ZNF516: variants seen among roughly 807,000 people sequenced by gnomAD.
ZNF516 encodes zinc finger protein 516.
Under a neutral mutation model 79.7 loss-of-function variants are expected in ZNF516, and 19 were observed. The observed-to-expected ratio is 0.24, with a 90% CI of 0.17 to 0.35. The LOEUF (loss-of-function observed/expected upper bound fraction) is 0.35, where lower values mean the gene tolerates loss of function less well. Ranked by LOEUF, ZNF516 falls within the 10% of genes least tolerant of loss-of-function variation. ZNF516 has a pLI of 1.00. For synonymous variants in ZNF516, 877 were observed against 739.5 expected (o/e 1.19, Z -3.02); for missense variants, 1,678 against 1,679.5 (o/e 1.00, Z 0.02).
At chr18:76,440,780 A>G (rs1343052201) in intron 3 of ZNF516, among the ~76,000 whole-genome samples, 1 of 143,836 alleles carries the variant, frequency 7.0e-6, no homozygotes, top group Non-Finnish European at 1.5e-5. Flanking sequence ...GCGCGCATGC[A>G]TCGTATGGTG....
chr18:76,439,258 T>C (rs573428073), intron 3 of ZNF516, among the ~76,000 whole-genome samples: 3 of 152,314 alleles, frequency 2.0e-5, no homozygotes, highest in East Asian at 1.9e-4. Flanking sequence ...ACTAGACCAT[T>C]AAAGGCAGCT....
intron 2 of ZNF516, among the ~76,000 whole-genome samples, chr18:76,460,081 C>T (rs924984478): frequency 1.1e-4 from 16 of 152,230 alleles, no homozygotes; most frequent in Non-Finnish European, 2.1e-4. Context: ...AGGACTCGTT[C>T]TGTTGGAATG....
chr18:76,432,574 G>A (rs1568285652), intron 3 of ZNF516, among the ~76,000 whole-genome samples: 1 of 152,238 alleles, frequency 6.6e-6, no homozygotes, highest in Non-Finnish European at 1.5e-5. Context: ...GAGCTCAGTG[G>A]AGAGCAGCCC....
intron 3 of ZNF516, among the ~76,000 whole-genome samples, chr18:76,425,990 C>G (rs1038019583): frequency 6.6e-6 from 1 of 152,230 alleles, no homozygotes; most frequent in South Asian, 2.1e-4. Context: ...CATAAGACTG[C>G]CTTCATGTTG....
At chr18:76,488,706 A>G (rs1914983162) in intron 1 of ZNF516, among the ~76,000 whole-genome samples, 1 of 152,252 alleles carries the variant, frequency 6.6e-6, no homozygotes, top group African/African-American at 2.4e-5. Context: ...ACCTAATCAA[A>G]TAAATTTAAC....
chr18:76,416,381 C>T (rs1485326060), intron 3 of ZNF516, among the ~76,000 whole-genome samples: 3 of 152,192 alleles, frequency 2.0e-5, no homozygotes, highest in African/African-American at 4.8e-5. Flanking sequence ...GCAGAGCCTA[C>T]GCTGAAATGT....
chr18:76,495,779 G>A, upstream of ZNF516: 2 of 1,127,502 alleles, frequency 1.8e-6, no homozygotes, highest in South Asian at 1.7e-5. Context: ...CCCCTTCGGG[G>A]GTCCCAGGTG....
chr18:76,370,421 T>C (rs1198823781), intron 6 of ZNF516, 107 bp downstream of exon 6: 1 of 1,076,012 alleles, frequency 9.3e-7, no homozygotes, highest in Non-Finnish European at 1.3e-6. Context: ...TTTACACATC[T>C]AGTGAAAAAA....
upstream of ZNF516, chr18:76,495,761 TG>T: frequency 1.7e-6 from 2 of 1,156,942 alleles, no homozygotes; most frequent in Admixed American, 4.3e-5. Context: ...TGGACTGAAA[TG>T]GGGACACCCC....
chr18:76,375,556 A>G (rs1050035236), intron 4 of ZNF516, among the ~76,000 whole-genome samples: 3 of 151,566 alleles, frequency 2.0e-5, no homozygotes, highest in African/African-American at 7.3e-5. Flanking sequence ...GGATGGACAC[A>G]CAAGGTCCCG....
chr18:76,422,870 T>C (rs2075525781), intron 3 of ZNF516, among the ~76,000 whole-genome samples: 1 of 152,118 alleles, frequency 6.6e-6, no homozygotes, highest in Non-Finnish European at 1.5e-5. Flanking sequence ...CTAAATTAAT[T>C]CTCCTCCATA....
At chr18:76,473,576 C>A (rs544296828) in intron 1 of ZNF516, among the ~76,000 whole-genome samples, 1 of 151,904 alleles carries the variant, frequency 6.6e-6, no homozygotes, top group Non-Finnish European at 1.5e-5. Context: ...CCAAGGTGGG[C>A]GGATCACGAG....
chr18:76,451,311 C>T lies in ZNF516; in HGVS notation c.-157-8100G>A, dbSNP rs1362799033. On this transcript the variant is annotated intron_variant, in intron 2 of 6. Coordinates refer to ENST00000443185, the MANE Select transcript of ZNF516 (RefSeq NM_014643.4). This position sits in a 1 kb window ranked among gnomAD's most constrained non-coding sequence, Gnocchi z 6.0. ...GTCCTCTCTGACCACCTTCCGGGGGCGGGGGGGGCACCGATGTCAGCCCGG... is the reference window on the plus strand; with the variant it reads ...GTCCTCTCTGACCACCTTCCGGGGGTGGGGGGGGCACCGATGTCAGCCCGG... Among the ~76,000 whole-genome samples, 8 of 151,398 alleles carry T rather than the reference C, an allele frequency of 5.3e-5. No individual in the cohort carries two copies. Among genetic ancestry groups the T allele is most frequent in the Admixed American group, 2.6e-4 (4 of 15,190 alleles).
chr18:76,417,330 A>G (rs1184598132), intron 3 of ZNF516, among the ~76,000 whole-genome samples: 2 of 152,212 alleles, frequency 1.3e-5, no homozygotes, highest in Non-Finnish European at 2.9e-5. Flanking sequence ...AACCCATGAA[A>G]GCGTGGAAAC....
intron 2 of ZNF516, among the ~76,000 whole-genome samples, chr18:76,444,045 G>A (rs10469086): frequency 0.012 from 1,755 of 152,354 alleles, 42 homozygotes; most frequent in African/African-American, 0.04. Context: ...CACCAAGGAC[G>A]AGGGACGCAT....
At chr18:76,397,255 A>G (rs905524436) in intron 3 of ZNF516, among the ~76,000 whole-genome samples, 1 of 152,174 alleles carries the variant, frequency 6.6e-6, no homozygotes, top group Non-Finnish European at 1.5e-5. Flanking sequence ...TTCATACAGA[A>G]TAATAAACGC....
intron 1 of ZNF516, among the ~76,000 whole-genome samples, chr18:76,484,304 C>G (rs530048697): frequency 1.6e-4 from 25 of 152,322 alleles, no homozygotes; most frequent in African/African-American, 5.3e-4. Flanking sequence ...AAAATCACCT[C>G]CAAGTTTCCT....
At chr18:76,489,174 A>T (rs1370522552) in intron 1 of ZNF516, among the ~76,000 whole-genome samples, 1 of 152,242 alleles carries the variant, frequency 6.6e-6, no homozygotes, top group Non-Finnish European at 1.5e-5. Flanking sequence ...TAAATTATAA[A>T]TAAGACCAAT....
At chr18:76,492,924 G>C (rs1016605228) in intron 1 of ZNF516, 1 of 985,496 alleles carries the variant, frequency 1.0e-6, no homozygotes, top group Non-Finnish European at 1.2e-6. Context: ...GCCTGCGGAT[G>C]CGCGGGGCTG....
Sources: allele counts gnomAD v4.1 joint callset (sites outside exome capture counted in the v4.1 genomes callset), GRCh38; gene constraint gnomAD v4.1.1; non-coding constraint Gnocchi (gnomAD v3.1); transcripts MANE v1.5; gene names NCBI Gene and HGNC (gene_info 2026-07-23, HGNC 2026-07-21).